Variants in CPED1 observed in about 807,000 individuals in gnomAD.
The protein encoded by CPED1 is cadherin-like and PC-esterase domain-containing protein 1.
Under a neutral mutation model 128.2 loss-of-function variants are expected in CPED1, and 114 were observed. The ratio of observed to expected loss-of-function variants is 0.89; its 90% CI spans 0.76 to 1.04. CPED1 has a LOEUF of 1.04. Ranked by LOEUF, CPED1 falls within the 50% of genes least tolerant of loss-of-function variation. The probability of loss-of-function intolerance (pLI) is 0.00; values close to 1 mark genes in which losing one functional copy is unlikely to be tolerated. For synonymous variants in CPED1, 462 were observed against 426.7 expected, an observed-to-expected ratio of 1.08 and a Z score of -1.02; for missense variants, 1,211 against 1,207.1, an observed-to-expected ratio of 1.00 and a Z score of -0.05.
At chr7:121,103,698 T>A (rs1794907891) in intron 7 of CPED1, among the ~76,000 whole-genome samples, 1 of 152,118 alleles carries the variant, frequency 6.6e-6, no homozygotes, top group Admixed American at 6.6e-5. Flanking sequence ...TGTGCACGTG[T>A]GTGTGTACTG....
chr7:121,001,479 G>A (rs1791858044), intron 2 of CPED1, among the ~76,000 whole-genome samples: 1 of 152,104 alleles, frequency 6.6e-6, no homozygotes, highest in Admixed American at 6.6e-5. Flanking sequence ...GTCAGGTGGA[G>A]CAAGAAGCCT....
At chr7:121,246,941 A>G (rs749971026) in intron 18 of CPED1, among the ~76,000 whole-genome samples, 17 of 152,210 alleles carry the variant, frequency 1.1e-4, no homozygotes, top group Admixed American at 2.0e-4. Flanking sequence ...CAGAAATTCA[A>G]ATTTGCCAAC....
chr7:121,051,646 G>T, intron 4 of CPED1: 1 of 325,188 alleles, frequency 3.1e-6, no homozygotes, highest in Non-Finnish European at 5.8e-6. Context: ...ACCACTCCTT[G>T]ATCCTGGCTT....
At chr7:121,071,827 C>A (rs933339418) in intron 5 of CPED1, among the ~76,000 whole-genome samples, 1 of 152,094 alleles carries the variant, frequency 6.6e-6, no homozygotes, top group African/African-American at 2.4e-5. Flanking sequence ...TTGAGTTTAT[C>A]CATGATCTCA....
At chr7:121,007,735 A>T (rs1792058856) in intron 2 of CPED1, among the ~76,000 whole-genome samples, 1 of 152,130 alleles carries the variant, frequency 6.6e-6, no homozygotes, top group Admixed American at 6.5e-5. Flanking sequence ...GAATGTTTTC[A>T]TTCTCTGTAC....
At chr7:121,067,950 T>G (rs1166075732) in intron 5 of CPED1, among the ~76,000 whole-genome samples, 2 of 152,236 alleles carry the variant, frequency 1.3e-5, no homozygotes, top group Non-Finnish European at 2.9e-5. Flanking sequence ...TGCCCACTTT[T>G]CGATGGGGTT....
At chr7:121,143,098 G>A (rs1255875105) in intron 16 of CPED1, among the ~76,000 whole-genome samples, 1 of 151,772 alleles carries the variant, frequency 6.6e-6, no homozygotes, top group East Asian at 1.9e-4. Context: ...ATTTTTTGAG[G>A]AAAACATATC....
chr7:121,109,610 A>G (rs1295085708), intron 7 of CPED1, among the ~76,000 whole-genome samples: 1 of 152,162 alleles, frequency 6.6e-6, no homozygotes, highest in African/African-American at 2.4e-5. Flanking sequence ...AGCCTCATCA[A>G]TCTGTTTAAA....
At chr7:120,990,493 T>G (rs1796292895) in intron 2 of CPED1, among the ~76,000 whole-genome samples, 1 of 152,122 alleles carries the variant, frequency 6.6e-6, no homozygotes, top group South Asian at 2.1e-4. Flanking sequence ...TCAGATAAAC[T>G]TACTAATCTT....
intron 18 of CPED1, among the ~76,000 whole-genome samples, chr7:121,249,979 C>T (rs527894035): frequency 3.3e-5 from 5 of 152,290 alleles, no homozygotes; most frequent in South Asian, 2.1e-4. Context: ...AACTAATAGA[C>T]GTCTACAGAA....
chr7:121,024,857 G>C (rs992015120), intron 3 of CPED1, among the ~76,000 whole-genome samples: 8 of 152,216 alleles, frequency 5.3e-5, no homozygotes, highest in African/African-American at 1.9e-4. Flanking sequence ...TCCTTCATAC[G>C]GGAGCTTTCA....
chr7:121,283,672 C>A (rs1413337769), intron 22 of CPED1, among the ~76,000 whole-genome samples: 1 of 152,212 alleles, frequency 6.6e-6, no homozygotes, highest in Non-Finnish European at 1.5e-5. Flanking sequence ...CTGGGACAAG[C>A]CCACTCCCAT....
At chr7:121,212,164 T>A (rs187870315) in intron 16 of CPED1, among the ~76,000 whole-genome samples, 1 of 152,132 alleles carries the variant, frequency 6.6e-6, no homozygotes, top group Non-Finnish European at 1.5e-5. Context: ...CTGAACAAAC[T>A]GCTTCAGAGT....
At chr7:121,091,175 G>GGA (rs1554433117) in intron 5 of CPED1, among the ~76,000 whole-genome samples, 2 of 149,414 alleles carry the variant, frequency 1.3e-5, no homozygotes, top group East Asian at 1.9e-4. Flanking sequence ...TGCAGTAACT[G>GGA]AAAAAAAAAA....
chr7:121,025,464 ATG>A (rs1792553134), intron 3 of CPED1, among the ~76,000 whole-genome samples: 1 of 152,208 alleles, frequency 6.6e-6, no homozygotes, highest in African/African-American at 2.4e-5. Flanking sequence ...TATTTAAATA[ATG>A]AATTAAGCAT....
At chr7:121,054,667 G>GTTTT (rs34569288) in intron 4 of CPED1, among the ~76,000 whole-genome samples, 1 of 147,516 alleles carries the variant, frequency 6.8e-6, no homozygotes, top group Non-Finnish European at 1.5e-5. Context: ...CAGGGTTGAG[G>GTTTT]TTTTTTTTTT....
chr7:121,078,739 C>A (rs1794205021), intron 5 of CPED1, among the ~76,000 whole-genome samples: 1 of 152,142 alleles, frequency 6.6e-6, no homozygotes, highest in Non-Finnish European at 1.5e-5. Flanking sequence ...TGTCAACAGC[C>A]CACTCTGCTC....
intron 7 of CPED1, among the ~76,000 whole-genome samples, chr7:121,107,597 G>A (rs1182777934): frequency 1.3e-5 from 2 of 152,038 alleles, no homozygotes; most frequent in African/African-American, 2.4e-5. Context: ...GTATGTGGGT[G>A]CAAAGTAATA....
At chr7:121,287,775 GT>G (rs1185463820) in intron 22 of CPED1, among the ~76,000 whole-genome samples, 1 of 152,094 alleles carries the variant, frequency 6.6e-6, no homozygotes, top group Non-Finnish European at 1.5e-5. Context: ...GACATGCTAT[GT>G]CTGCATTTGT....
Sources: allele counts gnomAD v4.1 joint callset (sites outside exome capture counted in the v4.1 genomes callset), GRCh38; gene constraint gnomAD v4.1.1; transcripts MANE v1.5; gene names NCBI Gene and HGNC (gene_info 2026-07-23, HGNC 2026-07-21).